Variants in TBCEL observed in about 807,000 individuals in gnomAD.
The protein encoded by TBCEL is tubulin-specific chaperone cofactor E-like protein.
TBCEL carries 15 observed loss-of-function variants against 44.2 expected under a neutral mutation model. The observed-to-expected ratio is 0.34, with a 90% CI of 0.23 to 0.52. TBCEL has a LOEUF of 0.52. TBCEL is among the 20% of genes least tolerant of loss of function. The pLI is 0.95. For synonymous variants in TBCEL, 171 were observed against 185.4 expected, an observed-to-expected ratio of 0.92 and a Z score of 0.63; for missense variants, 319 against 506.3, an observed-to-expected ratio of 0.63 and a Z score of 3.55.
chr11:121,069,435 A>G (rs1324854598), intron 8 of TBCEL, among the ~76,000 whole-genome samples: 1 of 152,222 alleles, frequency 6.6e-6, no homozygotes, highest in Non-Finnish European at 1.5e-5. Flanking sequence ...AAGTAAAGGT[A>G]CAGAGGTATG....
intron 1 of TBCEL, among the ~76,000 whole-genome samples, chr11:121,024,664 C>G (rs1945014049): frequency 1.3e-5 from 2 of 152,104 alleles, no homozygotes; most frequent in South Asian, 4.1e-4. Context: ...TGCCTCCCAG[C>G]TGTTAGAAGA....
intron 6 of TBCEL, 122 bp from the exon 7 acceptor site, chr11:121,058,223 C>T (rs1334878261): frequency 4.1e-6 from 5 of 1,223,574 alleles, no homozygotes; most frequent in East Asian, 2.6e-5. Flanking sequence ...ACTTTCAGAC[C>T]GTTTAGTTTA....
intron 8 of TBCEL, among the ~76,000 whole-genome samples, chr11:121,066,979 T>C (rs1041841066): frequency 5.3e-5 from 8 of 152,226 alleles, no homozygotes; most frequent in African/African-American, 1.9e-4. Context: ...TCAATTTTCC[T>C]GTAAATTCTA....
chr11:121,057,836 T>TC (rs1470468881), intron 6 of TBCEL, among the ~76,000 whole-genome samples: 3 of 151,736 alleles, frequency 2.0e-5, no homozygotes, highest in African/African-American at 7.3e-5. Context: ...TGGAAACCAG[T>TC]CCCCCATGGA....
intron 8 of TBCEL, among the ~76,000 whole-genome samples, chr11:121,062,834 T>TAA (rs1945748919): frequency 2.0e-5 from 3 of 152,172 alleles, no homozygotes; most frequent in Non-Finnish European, 4.4e-5. Flanking sequence ...GTGCTTCATA[T>TAA]ATTGCTGCTG....
chr11:121,067,686 GA>G (rs1945846184), intron 8 of TBCEL, among the ~76,000 whole-genome samples: 1 of 152,186 alleles, frequency 6.6e-6, no homozygotes, highest in Non-Finnish European at 1.5e-5. Context: ...GCAGTGGTGT[GA>G]TATGCTGTTT....
chr11:121,045,643 C>A, intron 2 of TBCEL, 31 bp from the exon 3 acceptor site: 1 of 1,515,048 alleles, frequency 6.6e-7, no homozygotes, highest in South Asian at 1.3e-5. Flanking sequence ...TACATAATTA[C>A]ATAATTTGAT....
intron 8 of TBCEL, among the ~76,000 whole-genome samples, chr11:121,081,103 G>A (rs553554482): frequency 6.6e-6 from 1 of 152,136 alleles, no homozygotes; most frequent in South Asian, 2.1e-4. Context: ...TCTCTCAGTG[G>A]GTGTTTTTAT....
intron 1 of TBCEL, among the ~76,000 whole-genome samples, chr11:121,034,842 G>A (rs11601464): frequency 0.026 from 4,018 of 152,182 alleles, 143 homozygotes; most frequent in African/African-American, 0.076. Flanking sequence ...AGGAAACATC[G>A]CTATAGGGAG....
chr11:121,058,123 C>G (rs1945655134), intron 6 of TBCEL, among the ~76,000 whole-genome samples: 1 of 151,806 alleles, frequency 6.6e-6, no homozygotes, highest in Non-Finnish European at 1.5e-5. Context: ...CAATAACACT[C>G]TCTTAACCCG....
chr11:121,060,147 T>A, intron 8 of TBCEL, 62 bp downstream of exon 8: 1 of 1,151,054 alleles, frequency 8.7e-7, no homozygotes, highest in Non-Finnish European at 1.3e-6. Flanking sequence ...AGAACTCTAG[T>A]GTTAGAGCAA....
Position 121,028,021 on chromosome 11 carries a change from C to T in TBCEL, c.-126+3730C>T, listed in dbSNP as rs145623315. ...CAGGAGTCAAAGCCAACCTGGGCAACGTAGGGAGACCCATCTCTATGAAAA... is the reference window on the plus strand; with the variant it reads ...CAGGAGTCAAAGCCAACCTGGGCAATGTAGGGAGACCCATCTCTATGAAAA... On this transcript the variant is annotated intron_variant, in intron 1 of 8. Coordinates refer to ENST00000683345, the MANE Select transcript of TBCEL (RefSeq NM_001363644.2). Among the ~76,000 whole-genome samples, 47 of 151,938 alleles carry T rather than the reference C, an allele frequency of 3.1e-4. 4 individuals are homozygous for T. The East Asian group carries it at 4.1e-3, about 13-fold the overall frequency.
chr11:121,057,119 C>G (rs575202765), intron 6 of TBCEL, among the ~76,000 whole-genome samples: 37 of 151,844 alleles, frequency 2.4e-4, no homozygotes, highest in Non-Finnish European at 5.2e-4. Context: ...ACCTTGTCAC[C>G]CCTTGAGCTA....
At chr11:121,033,254 C>CT (rs936953690) in intron 1 of TBCEL, among the ~76,000 whole-genome samples, 1 of 152,194 alleles carries the variant, frequency 6.6e-6, no homozygotes, top group South Asian at 2.1e-4. Flanking sequence ...ACTATTAAAA[C>CT]TTTTATTATA....
chr11:121,076,737 C>T (rs1008847969), intron 8 of TBCEL, among the ~76,000 whole-genome samples: 9 of 151,846 alleles, frequency 5.9e-5, no homozygotes, highest in African/African-American at 2.4e-5. Flanking sequence ...TAGCCTTTTT[C>T]CCTGTTTAGG....
At chr11:121,069,679 C>T (rs554693282) in intron 8 of TBCEL, among the ~76,000 whole-genome samples, 25 of 152,024 alleles carry the variant, frequency 1.6e-4, no homozygotes, top group Admixed American at 5.9e-4. Flanking sequence ...GTAGTCTCAG[C>T]TACTGGAGAG....
chr11:121,037,252 C>G (rs12805477), intron 2 of TBCEL, among the ~76,000 whole-genome samples: 13,473 of 152,236 alleles, frequency 0.089, 631 homozygotes, highest in Middle Eastern at 0.16. Context: ...ATCAGCTACA[C>G]TTATTTTGCT....
chr11:121,027,328 C>A (rs1945063952), intron 1 of TBCEL, among the ~76,000 whole-genome samples: 2 of 152,160 alleles, frequency 1.3e-5, no homozygotes, highest in Admixed American at 1.3e-4. Context: ...TGACTTACTT[C>A]TTTGGAATTA....
intron 8 of TBCEL, among the ~76,000 whole-genome samples, chr11:121,069,055 C>G (rs1175991558): frequency 6.6e-6 from 1 of 152,142 alleles, no homozygotes; most frequent in East Asian, 1.9e-4. Context: ...TTCCTTCTCT[C>G]CTCACCCAGT....
Sources: gnomAD v4.1 joint callset for allele counts (sites outside exome capture counted in the v4.1 genomes callset) on GRCh38, gnomAD v4.1.1 for gene constraint, MANE v1.5 for transcripts, NCBI Gene and HGNC (gene_info 2026-07-23, HGNC 2026-07-21) for gene names.